The following CADM1 variants were observed in gnomAD, a reference collection of about 807,000 sequenced individuals.
CADM1 encodes cell adhesion molecule 1.
CADM1 carries 15 observed loss-of-function variants against 53.1 expected under a neutral mutation model. The ratio of observed to expected loss-of-function variants is 0.28; its 90% CI spans 0.19 to 0.44. The LOEUF is 0.44. Among genes scored for constraint, CADM1 ranks in the 20% least tolerant of loss-of-function variants. The pLI is 1.00. For synonymous variants in CADM1, 281 were observed against 243.0 expected, an observed-to-expected ratio of 1.16 and a Z score of -1.45; for missense variants, 434 against 611.3, an observed-to-expected ratio of 0.71 and a Z score of 3.06.
chr11:115,240,228 G>A (rs1438418602), intron 2 of CADM1, 46 bp downstream of exon 2: 1 of 1,591,118 alleles, frequency 6.3e-7, no homozygotes, highest in African/African-American at 1.3e-5. Flanking sequence ...AAGACAACAT[G>A]TAGGTAAAAA....
intron 1 of CADM1, among the ~76,000 whole-genome samples, chr11:115,455,243 C>G (rs976927747): frequency 1.1e-4 from 17 of 151,698 alleles, no homozygotes; most frequent in Non-Finnish European, 2.2e-4. Flanking sequence ...CTTAAAAGAC[C>G]GCATAAAAGA....
At chr11:115,428,005 C>CA (rs66872817) in intron 1 of CADM1, among the ~76,000 whole-genome samples, 1,507 of 53,936 alleles carry the variant, frequency 0.028, 125 homozygotes, top group African/African-American at 0.085. Flanking sequence ...GACTCCATCT[C>CA]AAAAAAAAAA....
chr11:115,464,420 T>C (rs1348896617), intron 1 of CADM1, among the ~76,000 whole-genome samples: 1 of 152,206 alleles, frequency 6.6e-6, no homozygotes, highest in Non-Finnish European at 1.5e-5. Context: ...ACATTAGTCA[T>C]GTCCCTTAAG....
intron 1 of CADM1, among the ~76,000 whole-genome samples, chr11:115,487,580 G>A (rs778033289): frequency 2.0e-5 from 3 of 152,074 alleles, no homozygotes; most frequent in Non-Finnish European, 1.5e-5. Flanking sequence ...TACTATCTTA[G>A]TCTGAAATTC....
intron 1 of CADM1, among the ~76,000 whole-genome samples, chr11:115,310,186 G>A (rs1944494344): frequency 6.6e-6 from 1 of 152,120 alleles, no homozygotes; most frequent in African/African-American, 2.4e-5. Flanking sequence ...TCAAGGTTAT[G>A]CCTATAAAAC....
chr11:115,413,209 C>T (rs376093369), intron 1 of CADM1, among the ~76,000 whole-genome samples: 2 of 152,262 alleles, frequency 1.3e-5, no homozygotes, highest in African/African-American at 4.8e-5. Flanking sequence ...CATATTTGCT[C>T]AAAAATATTA....
chr11:115,325,263 G>T (rs1007369933), intron 1 of CADM1, among the ~76,000 whole-genome samples: 2 of 152,160 alleles, frequency 1.3e-5, no homozygotes, highest in Non-Finnish European at 2.9e-5. Context: ...TAGTGAGAGA[G>T]CATCAACGTG....
At chr11:115,367,894 G>GT (rs1424395445) in intron 1 of CADM1, among the ~76,000 whole-genome samples, 4 of 151,828 alleles carry the variant, frequency 2.6e-5, no homozygotes, top group African/African-American at 9.7e-5. Context: ...CAAAAAATAA[G>GT]TTTTTTTAAC....
chr11:115,212,458 G>A (rs1941005899), intron 7 of CADM1, among the ~76,000 whole-genome samples: 1 of 152,160 alleles, frequency 6.6e-6, no homozygotes, highest in African/African-American at 2.4e-5. Context: ...GAGATAGGTA[G>A]TATATTACAG....
rs1333314472 is a variant in CADM1, at chr11:115,174,869, A to G, written c.*1605T>C. ...GTTTCTGTCCTTCAGGACTACTTCTAGATTTCCTAGACGTTTCAGTGAAAA... is the reference window on the plus strand; with the variant it reads ...GTTTCTGTCCTTCAGGACTACTTCTGGATTTCCTAGACGTTTCAGTGAAAA... On this transcript the variant is annotated 3_prime_UTR_variant, in exon 12 of 12. Transcript: ENST00000331581. 1 of 985,642 alleles carries G rather than the reference A, an allele frequency of 1.0e-6. No individual in the cohort carries two copies. Among genetic ancestry groups the G allele is most frequent in the Non-Finnish European group, 1.2e-6 (1 of 829,902 alleles). The allele number at this position is 985,642 out of a possible 1,614,324, so 61.1% of individuals were successfully genotyped here.
chr11:115,229,162 G>A lies in CADM1; in HGVS notation c.672C>T (p.His224=). ...DGVPVICQVE[H]PAVTGNLQTQ... ...TCTGCAGGTTTCCAGTGACCGCAGG[G>A]TGCTCCACCTGGCAGATCACTGGGA... The change falls in exon 5 of 12, where the codon CAC becomes CAT. Residue 224 remains histidine, a synonymous_variant. Coordinates refer to ENST00000331581, the MANE Select transcript of CADM1 (RefSeq NM_001301043.2). 2 of 1,614,038 alleles carry A rather than the reference G, an allele frequency of 1.2e-6. No individual in the cohort carries two copies. The highest frequency in any genetic ancestry group is 2.2e-5 in the South Asian group (2 of 91,078).
chr11:115,446,351 CCA>C (rs1948451017), intron 1 of CADM1, among the ~76,000 whole-genome samples: 1 of 152,122 alleles, frequency 6.6e-6, no homozygotes, highest in African/African-American at 2.4e-5. Flanking sequence ...GGGTCTGAGT[CCA>C]CAGTCACATT....
chr11:115,491,848 A>G (rs1467956189), intron 1 of CADM1, among the ~76,000 whole-genome samples: 1 of 152,208 alleles, frequency 6.6e-6, no homozygotes, highest in Non-Finnish European at 1.5e-5. Context: ...AACCTATCAC[A>G]AAGACAGAAA....
intron 1 of CADM1, among the ~76,000 whole-genome samples, chr11:115,360,036 T>A (rs1232005730): frequency 6.6e-6 from 1 of 152,192 alleles, no homozygotes. Flanking sequence ...TGCCAGGCCC[T>A]GCCAGCTTAA....
chr11:115,338,643 C>T (rs184862244), intron 1 of CADM1, among the ~76,000 whole-genome samples: 6 of 152,194 alleles, frequency 3.9e-5, no homozygotes, highest in African/African-American at 1.4e-4. Context: ...ACTGTGTCTC[C>T]GCCTGCATAA....
At chr11:115,488,057 G>C (rs997225873) in intron 1 of CADM1, among the ~76,000 whole-genome samples, 28 of 148,998 alleles carry the variant, frequency 1.9e-4, no homozygotes, top group African/African-American at 6.6e-4. Flanking sequence ...AATCTACCAA[G>C]AAAAAGAATA....
intron 1 of CADM1, among the ~76,000 whole-genome samples, chr11:115,282,383 C>T (rs184843706): frequency 8.5e-5 from 13 of 152,174 alleles, no homozygotes; most frequent in South Asian, 8.3e-4. Flanking sequence ...GAAAATGTGA[C>T]GTGATGACCT....
At chr11:115,241,270 G>A (rs556873814) in intron 1 of CADM1, among the ~76,000 whole-genome samples, 127 of 152,358 alleles carry the variant, frequency 8.3e-4, no homozygotes, top group African/African-American at 2.9e-3. Context: ...GGTAGGAGGA[G>A]AAGTGAGTTC....
intron 1 of CADM1, among the ~76,000 whole-genome samples, chr11:115,406,736 C>G (rs1947323567): frequency 6.6e-6 from 1 of 151,286 alleles, no homozygotes; most frequent in South Asian, 2.1e-4. Flanking sequence ...CACCTGAGGT[C>G]AGGAGTTCAA....
Sources: gnomAD v4.1 joint callset for allele counts (sites outside exome capture counted in the v4.1 genomes callset) on GRCh38, gnomAD v4.1.1 for gene constraint, MANE v1.5 for transcripts, NCBI Gene and HGNC (gene_info 2026-07-23, HGNC 2026-07-21) for gene names.